The following POU6F2 variants were observed in gnomAD, a reference collection of about 807,000 sequenced individuals.
POU6F2 encodes the protein POU domain, class 6, transcription factor 2.
POU6F2 carries 31 observed loss-of-function variants against 71.3 expected under a neutral mutation model. The ratio of observed to expected loss-of-function variants is 0.43; its 90% confidence interval spans 0.33 to 0.59. The LOEUF is 0.59. POU6F2 is among the 20% of genes least tolerant of loss of function. POU6F2 has a pLI of 0.04. For synonymous variants in POU6F2, 347 were observed against 355.7 expected, an observed-to-expected ratio of 0.98 and a Z score of 0.27; for missense variants, 783 against 856.8, an observed-to-expected ratio of 0.91 and a Z score of 1.07.
chr7:39,278,905 C>A (rs1309193821), intron 4 of POU6F2, among the ~76,000 whole-genome samples: 1 of 152,170 alleles, frequency 6.6e-6, no homozygotes, highest in African/African-American at 2.4e-5. Flanking sequence ...ACCTCCTTCT[C>A]CCTCATTACC....
chr7:39,370,559 C>T (rs867062523), intron 5 of POU6F2, among the ~76,000 whole-genome samples: 14 of 152,346 alleles, frequency 9.2e-5, no homozygotes, highest in Middle Eastern at 3.4e-3. Flanking sequence ...GATAATTTCT[C>T]TTTTGCTGCA....
intron 2 of POU6F2, among the ~76,000 whole-genome samples, chr7:39,159,151 C>A (rs1329801075): frequency 6.6e-6 from 1 of 151,946 alleles, no homozygotes; most frequent in African/African-American, 2.4e-5. Context: ...TCACTCCAGC[C>A]TAGGTGACAG....
intron 4 of POU6F2, among the ~76,000 whole-genome samples, chr7:39,207,895 A>G (rs928572650): frequency 6.6e-6 from 1 of 152,232 alleles, no homozygotes; most frequent in Admixed American, 6.5e-5. Context: ...ATTGCATGAC[A>G]TATCAGAAAC....
intron 5 of POU6F2, among the ~76,000 whole-genome samples, chr7:39,374,997 T>C (rs1216871775): frequency 6.6e-6 from 1 of 152,242 alleles, no homozygotes; most frequent in Non-Finnish European, 1.5e-5. Context: ...AACTGCTTTC[T>C]ACAGTTTGGG....
At chr7:39,255,523 TG>T (rs1197467815) in intron 4 of POU6F2, among the ~76,000 whole-genome samples, 1 of 152,158 alleles carries the variant, frequency 6.6e-6, no homozygotes, top group Non-Finnish European at 1.5e-5. Context: ...AATAAATGTT[TG>T]GGGTATTAAT....
chr7:38,994,572 T>G (rs977887025), intron 1 of POU6F2, among the ~76,000 whole-genome samples: 3 of 152,030 alleles, frequency 2.0e-5, no homozygotes, highest in Non-Finnish European at 4.4e-5. Context: ...CGTGACAGGG[T>G]TGGTGAGCAG....
At chr7:39,235,619 C>T (rs1397809043) in intron 4 of POU6F2, among the ~76,000 whole-genome samples, 4 of 152,198 alleles carry the variant, frequency 2.6e-5, no homozygotes, top group African/African-American at 7.2e-5. Context: ...TCCCTTTACT[C>T]TCTGTGCCTT....
intron 1 of POU6F2, among the ~76,000 whole-genome samples, chr7:38,999,859 A>C (rs1788849927): frequency 6.6e-6 from 1 of 152,194 alleles, no homozygotes; most frequent in South Asian, 2.1e-4. Flanking sequence ...TCAATTCAAC[A>C]ATCAGTCTGG....
At chr7:39,269,778 A>G (rs1784311194) in intron 4 of POU6F2, among the ~76,000 whole-genome samples, 1 of 152,102 alleles carries the variant, frequency 6.6e-6, no homozygotes, top group Admixed American at 6.5e-5. Flanking sequence ...TCTTTTGTGT[A>G]TTGCTTGCAT....
In POU6F2 at chr7:38,988,335, T is replaced by C. The variant is rs1788511540; in HGVS notation, c.105+10277T>C. Among the ~76,000 whole-genome samples the C allele has an allele frequency of 3.9e-5, 6 of 152,180 alleles. No individual in the cohort carries two copies. The South Asian group carries it at 1.2e-3, about 32-fold the overall frequency. ...ATTTATCTGGGTGGAGCTTGGGTAT[T>C]AGTATTTTTAAAAAGCTTTACAGGT... On this transcript the variant is annotated intron_variant, in intron 1 of 9. Coordinates refer to ENST00000518318, the MANE Select transcript of POU6F2 (RefSeq NM_001370959.1).
At chr7:39,079,242 G>A (rs1390565236) in intron 1 of POU6F2, among the ~76,000 whole-genome samples, 2 of 134,098 alleles carry the variant, frequency 1.5e-5, no homozygotes, top group East Asian at 4.4e-4. Flanking sequence ...AGGCTGGAGT[G>A]CAGTGGTGCG....
At position 39,018,461 on chromosome 7, in the gene POU6F2, A is replaced by AT. The variant is rs11287271; in HGVS notation, c.105+40415dup. Among the ~76,000 whole-genome samples, 616 of 146,922 alleles carry AT rather than the reference A, an allele frequency of 4.2e-3. 6 individuals are homozygous for AT. Among genetic ancestry groups the AT allele is most frequent in the African/African-American group, 0.013 (507 of 40,160 alleles). On this transcript the variant is annotated intron_variant, in intron 1 of 9. Coordinates refer to ENST00000518318, the MANE Select transcript of POU6F2 (RefSeq NM_001370959.1). ...AACTGACATGAAGTAAACCATTTAC[A>AT]TTTTTTTTTTTTGGTGCAGAAATAT...
At chr7:39,461,962 G>T (rs969780211) in intron 9 of POU6F2, among the ~76,000 whole-genome samples, 2 of 152,218 alleles carry the variant, frequency 1.3e-5, no homozygotes, top group Non-Finnish European at 2.9e-5. Flanking sequence ...ATTGCTCCCT[G>T]TTGGGAAACA....
intron 1 of POU6F2, among the ~76,000 whole-genome samples, chr7:39,033,889 T>G (rs1001855579): frequency 6.6e-6 from 1 of 152,242 alleles, no homozygotes; most frequent in African/African-American, 2.4e-5. Context: ...TCAGATGTGG[T>G]GCTTTTTCTT....
intron 5 of POU6F2, among the ~76,000 whole-genome samples, chr7:39,374,984 T>C: frequency 6.6e-6 from 1 of 152,326 alleles, no homozygotes; most frequent in Admixed American, 6.5e-5. Context: ...TGTCCAGAAG[T>C]CTAACTGCTT....
chr7:39,320,649 G>A (rs945716678), intron 4 of POU6F2, among the ~76,000 whole-genome samples: 11 of 152,132 alleles, frequency 7.2e-5, no homozygotes, highest in African/African-American at 2.7e-4. Flanking sequence ...ACCCCCAGTG[G>A]TTACCTGAAG....
intron 1 of POU6F2, among the ~76,000 whole-genome samples, chr7:39,022,579 T>C (rs1789701738): frequency 1.3e-5 from 2 of 152,140 alleles, no homozygotes; most frequent in Non-Finnish European, 2.9e-5. Flanking sequence ...ATTTATATTT[T>C]CCTGTTCTAA....
chr7:39,128,947 A>G (rs1354581530), intron 2 of POU6F2, among the ~76,000 whole-genome samples: 2 of 152,192 alleles, frequency 1.3e-5, no homozygotes, highest in African/African-American at 4.8e-5. Context: ...TTATTTAGTA[A>G]AAGACTCTCT....
intron 6 of POU6F2, among the ~76,000 whole-genome samples, chr7:39,421,089 C>T (rs1399069276): frequency 6.6e-6 from 1 of 151,998 alleles, no homozygotes; most frequent in Non-Finnish European, 1.5e-5. Context: ...TCAAAAACTG[C>T]CTAATCATTA....
Sources: allele counts gnomAD v4.1 joint callset (sites outside exome capture counted in the v4.1 genomes callset), GRCh38; gene constraint gnomAD v4.1.1; transcripts MANE v1.5; gene names NCBI Gene and HGNC (gene_info 2026-07-23, HGNC 2026-07-21).